Variants in ABCC2 observed in about 807,000 individuals in gnomAD.
ABCC2 encodes the protein ATP-binding cassette sub-family C member 2.
ABCC2 carries 157 observed loss-of-function variants against 173.4 expected under a neutral mutation model. That is an observed-to-expected ratio of 0.91 (90% CI 0.80 to 1.03). The LOEUF (loss-of-function observed/expected upper bound fraction) is 1.03, where lower values mean the gene tolerates loss of function less well. ABCC2 is among the 50% of genes least tolerant of loss of function. The pLI, the probability that ABCC2 is intolerant of heterozygous loss-of-function variation, is 0.00. For missense variants in ABCC2, 1,822 were observed against 1,852.3 expected (o/e 0.98, Z 0.30); for synonymous variants, 657 against 693.5 (o/e 0.95, Z 0.83).
intron 19 of ABCC2, among the ~76,000 whole-genome samples, chr10:99,826,030 G>A (rs1055479957): frequency 1.3e-5 from 2 of 152,294 alleles, no homozygotes; most frequent in African/African-American, 2.4e-5. Context: ...AATTTAGAAC[G>A]ACATTGACTA....
intron 16 of ABCC2, among the ~76,000 whole-genome samples, chr10:99,813,572 G>A (rs930584924): frequency 2.6e-5 from 4 of 152,044 alleles, no homozygotes; most frequent in Admixed American, 6.5e-5. Context: ...AAAATTAGCC[G>A]GGTGTGGTGG....
rs766877794 is a variant in ABCC2, at chr10:99,811,577, C to A, written c.1942C>A (p.His648Asn). ...TTCTGAGGCCTCCTTTACCTGGGAA[C>A]ATGATTCGGAAGCCACAGTCCGAGA... Reference protein sequence around the residue: ...QFSEASFTWEHDSEATVRDVN... With the variant: ...QFSEASFTWENDSEATVRDVN... The change falls in exon 15 of 32, where the codon CAT (histidine) becomes AAT (asparagine). Residue 648 changes from histidine (H) to asparagine (N), a missense_variant. Physicochemically the swap from His to Asn is moderately conservative, Grantham distance 68. Transcript: ENST00000647814. 2.5e-6 allele frequency: 4 copies of A among 1,614,014 alleles called. No homozygotes were observed. The African/African-American group carries it at 5.3e-5, about 22-fold the overall frequency.
In ABCC2 at chr10:99,794,371, G is replaced by A. The variant is rs373973733; in HGVS notation, c.577-42G>A. ...GATTTTAGAGTCCCATGAAGTTCCT[G>A]TCTCCAATTGGTTTACATTTCGATT... On this transcript the variant is annotated intron_variant, in intron 5 of 31. Coordinates refer to ENST00000647814, the MANE Select transcript of ABCC2 (RefSeq NM_000392.5). 6 of 1,555,676 alleles carry A rather than the reference G, an allele frequency of 3.9e-6. No homozygotes were observed. In the African/African-American group the frequency reaches 5.4e-5, roughly 14 times the overall value.
At chr10:99,841,836 A>G in intron 25 of ABCC2, 131 bp from the exon 26 acceptor site, 1 of 1,193,210 alleles carries the variant, frequency 8.4e-7, no homozygotes, top group Non-Finnish European at 1.2e-6. Flanking sequence ...TCTAAGTCAA[A>G]TTGAGGCATT....
chr10:99,799,086 G>T, intron 7 of ABCC2, 121 bp from the exon 8 acceptor site: 1 of 1,067,472 alleles, frequency 9.4e-7, no homozygotes, highest in Non-Finnish European at 1.4e-6. Context: ...ACTAGGCCAG[G>T]GAGAGATGAT....
intron 25 of ABCC2, among the ~76,000 whole-genome samples, chr10:99,836,760 G>A (rs2038830422): frequency 6.6e-6 from 1 of 152,136 alleles, no homozygotes; most frequent in Admixed American, 6.5e-5. Flanking sequence ...GAGGAGAGTT[G>A]GGAATTTTTA....
intron 29 of ABCC2, 107 bp downstream of exon 29, chr10:99,845,889 A>G: frequency 8.0e-7 from 1 of 1,253,150 alleles, no homozygotes; most frequent in Non-Finnish European, 1.1e-6. Context: ...TGTCAATTCC[A>G]CGGTCTACTC....
Position 99,847,007 on chromosome 10 carries a change from T to G in ABCC2, c.4193T>G (p.Phe1398Cys). 1 of 1,614,238 alleles carries G rather than the reference T, an allele frequency of 6.2e-7. No homozygotes were observed. The highest frequency in any genetic ancestry group is 8.5e-7 in the Non-Finnish European group (1 of 1,180,044). Residue 1398 changes from phenylalanine (F) to cysteine (C), a missense_variant, in exon 30 of 32, where the codon TTC becomes TGC. Phe to Cys is a radical substitution (Grantham distance 205, BLOSUM62 -2). Transcript: ENST00000647814. ...AGCCTGAGGATGAATCTCGACCCTTTCAACAACTACTCAGATGAGGAGATT... is the reference window on the plus strand; with the variant it reads ...AGCCTGAGGATGAATCTCGACCCTTGCAACAACTACTCAGATGAGGAGATT... The part of the protein sequence containing the change: ...SGSLRMNLDP[F>C]NNYSDEEIWK...
intron 16 of ABCC2, among the ~76,000 whole-genome samples, chr10:99,815,434 G>A (rs1358173973): frequency 1.3e-5 from 2 of 152,032 alleles, no homozygotes; most frequent in East Asian, 1.9e-4. Flanking sequence ...GGCCTCAAGT[G>A]ATCCATCTGC....
rs1390270032 is a variant in ABCC2 at position 99,844,390 on chromosome 10, C to G, written c.3912C>G (p.Asn1304Lys). The G allele has an allele frequency of 2.5e-6, 4 of 1,614,242 alleles. No individual in the cohort carries two copies. Among genetic ancestry groups the G allele is most frequent in the Middle Eastern group, 1.6e-4 (1 of 6,062 alleles). Residue 1304 changes from asparagine (N) to lysine (K), a missense_variant, in exon 28 of 32, where the codon AAC becomes AAG. Physicochemically the swap from Asn to Lys is moderately conservative, Grantham distance 94 (BLOSUM62 0). Coordinates refer to ENST00000647814, the MANE Select transcript of ABCC2 (RefSeq NM_000392.5). ...WPSKGKIQFNNYQVRYRPELD... is the reference protein window; with the variant it reads ...WPSKGKIQFNKYQVRYRPELD... ...GCAAAGGCAAGATCCAGTTTAACAA[C>G]TACCAAGTGCGGTACCGACCTGAGC... is the stretch of plus-strand genomic sequence containing the variant.
At chr10:99,809,223 C>T (rs1031762128) in intron 13 of ABCC2, among the ~76,000 whole-genome samples, 2 of 152,068 alleles carry the variant, frequency 1.3e-5, no homozygotes, top group Non-Finnish European at 2.9e-5. Context: ...CATGGTGGCA[C>T]ACACCTGTAG....
intron 3 of ABCC2, among the ~76,000 whole-genome samples, chr10:99,793,048 T>C (rs1419462452): frequency 5.0e-5 from 1 of 19,916 alleles, no homozygotes; most frequent in Non-Finnish European, 9.7e-5. Context: ...CAGAATGCTG[T>C]TTTAGGAGCA....
intron 20 of ABCC2, 83 bp downstream of exon 20, chr10:99,830,516 G>T (rs1422869688): frequency 1.1e-5 from 18 of 1,601,054 alleles, no homozygotes; most frequent in Non-Finnish European, 1.5e-5. Context: ...GGCTTTTCCT[G>T]TGAGGGTTAA....
intron 10 of ABCC2, 122 bp downstream of exon 10, chr10:99,804,395 A>G: frequency 7.5e-7 from 1 of 1,327,802 alleles, no homozygotes; most frequent in Non-Finnish European, 1.1e-6. Flanking sequence ...ACTTTCTACC[A>G]TCTCAATTGT....
At chr10:99,845,841 C>A in intron 29 of ABCC2, 59 bp downstream of exon 29, 1 of 1,530,734 alleles carries the variant, frequency 6.5e-7, no homozygotes. Flanking sequence ...TTACAGGAAA[C>A]ATATGCAGCT....
chr10:99,818,763 C>A, intron 17 of ABCC2, 27 bp from the exon 18 acceptor site: 8 of 1,613,182 alleles, frequency 5.0e-6, no homozygotes, highest in Non-Finnish European at 6.8e-6. Context: ...GGGAGTAGTG[C>A]TTAATATGAA....
intron 2 of ABCC2, among the ~76,000 whole-genome samples, chr10:99,791,792 G>A (rs865798397): frequency 4.6e-5 from 7 of 152,304 alleles, no homozygotes; most frequent in South Asian, 4.1e-4. Flanking sequence ...CTCATGACTG[G>A]ACTGGTAGCT....
intron 2 of ABCC2, chr10:99,788,420 A>C (rs4148385): frequency 0.58 from 88,028 of 151,888 alleles, 25,808 homozygotes; most frequent in East Asian, 0.77. Flanking sequence ...ACCCCCAAAT[A>C]GACCCAATAG....
chr10:99,803,673 T>G (rs1230191922), intron 9 of ABCC2, among the ~76,000 whole-genome samples: 1 of 152,162 alleles, frequency 6.6e-6, no homozygotes, highest in Non-Finnish European at 1.5e-5. Context: ...CTCAGGATAT[T>G]ATGAGAGTAC....
Sources: gnomAD v4.1 joint callset for allele counts (sites outside exome capture counted in the v4.1 genomes callset) on GRCh38, gnomAD v4.1.1 for gene constraint, MANE v1.5 for transcripts, NCBI Gene and HGNC (gene_info 2026-07-23, HGNC 2026-07-21) for gene names.